Variants in MESD observed in about 807,000 individuals in gnomAD.
MESD encodes the protein LRP chaperone MESD.
A neutral mutation model predicts 12.9 loss-of-function variants in MESD; 7 were observed. That is an observed-to-expected ratio of 0.54 (90% CI 0.31 to 1.02). The LOEUF (loss-of-function observed/expected upper bound fraction) is 1.02, where lower values mean the gene tolerates loss of function less well. MESD is among the 50% of genes least tolerant of loss of function. The pLI is 0.05. For synonymous variants in MESD, 126 were observed against 115.6 expected (o/e 1.09, Z -0.58); for missense variants, 342 against 296.7 (o/e 1.15, Z -1.12).
chr15:80,971,437 C>G (rs915058608), downstream of MESD, among the ~76,000 whole-genome samples: 2 of 152,166 alleles, frequency 1.3e-5, no homozygotes, highest in African/African-American at 4.8e-5. Flanking sequence ...CTGAGCCCAG[C>G]GTTAGCAACA....
At chr15:80,970,804 C>T (rs1430865284), downstream of MESD, 1 of 152,178 alleles carries the variant, frequency 6.6e-6, no homozygotes, top group East Asian at 1.9e-4. Flanking sequence ...GTTTTTACCC[C>T]AGCCAAGGAG....
At chr15:80,973,029 A>T (rs1207772189), downstream of MESD, among the ~76,000 whole-genome samples, 5 of 152,016 alleles carry the variant, frequency 3.3e-5, no homozygotes, top group Admixed American at 2.6e-4. Context: ...CTCAAAAAAC[A>T]AACAAACAAA....
At chr15:80,946,338 A>C (rs751843950), downstream of MESD, 5 of 155,450 alleles carry the variant, frequency 3.2e-5, no homozygotes, top group Non-Finnish European at 5.7e-5. Flanking sequence ...TCACCTGCAG[A>C]TCTTGTAAAA....
At chr15:80,953,106 A>G in intron 3 of MESD, 1 of 456,060 alleles carries the variant, frequency 2.2e-6, no homozygotes. Flanking sequence ...GGCAGCTATC[A>G]GAGTGTGGGC....
At position 80,989,761 on chromosome 15, in the gene MESD, C is replaced by G; in HGVS notation, c.31G>C (p.Val11Leu). Residue 11 changes from valine to leucine, a missense_variant, in exon 1 of 3, where the codon GTG (valine) becomes CTG (leucine). Coordinates refer to ENST00000261758, the MANE Select transcript of MESD (RefSeq NM_015154.3). MAASRWARKAVVLLCASDLLL... is the reference protein window; with the variant it reads MAASRWARKALVLLCASDLLL... Reference sequence around the variant, plus strand: ...AGGTCAGAGGCACAAAGCAGGACCACGGCCTTGCGCGCCCACCTGGAAGCC... The same window carrying G: ...AGGTCAGAGGCACAAAGCAGGACCAGGGCCTTGCGCGCCCACCTGGAAGCC... The G allele has an allele frequency of 6.3e-7, 1 of 1,595,990 alleles. No individual in the cohort carries two copies. Among genetic ancestry groups the G allele is most frequent in the African/African-American group, 1.3e-5 (1 of 74,928 alleles).
chr15:80,982,244 G>A, intron 1 of MESD, 62 bp from the exon 2 acceptor site: 4 of 1,360,576 alleles, frequency 2.9e-6, no homozygotes, highest in Non-Finnish European at 4.2e-6. Context: ...AACTGGCACA[G>A]GCAAAAACTT....
At chr15:80,973,762 G>A (rs111412323), downstream of MESD, among the ~76,000 whole-genome samples, 1 of 146,772 alleles carries the variant, frequency 6.8e-6, no homozygotes, top group Non-Finnish European at 1.5e-5. Flanking sequence ...CATGGTTTTT[G>A]TTTTTTTTTT....
At chr15:80,946,844 T>C (rs1047715032), downstream of MESD, 9 of 727,780 alleles carry the variant, frequency 1.2e-5, no homozygotes, top group African/African-American at 1.4e-4. Flanking sequence ...CCCGAATCCC[T>C]GGACAGGCCT....
At chr15:80,947,162 T>C, downstream of MESD, 1 of 772,386 alleles carries the variant, frequency 1.3e-6, no homozygotes, top group South Asian at 1.5e-5. Context: ...GTTGAGAACA[T>C]GCTTTGTACT....
At chr15:80,982,269 G>A in intron 1 of MESD, 87 bp from the exon 2 acceptor site, 2 of 1,004,064 alleles carry the variant, frequency 2.0e-6, no homozygotes, top group Admixed American at 2.1e-5. Context: ...ATGATGTCAG[G>A]TGCATGTATA....
intron 3 of MESD, among the ~76,000 whole-genome samples, chr15:80,964,345 A>T (rs1902139400): frequency 1.3e-5 from 2 of 152,234 alleles, no homozygotes; most frequent in Admixed American, 1.3e-4. Flanking sequence ...AAATGGAAGA[A>T]CATTCCATGC....
intron 2 of MESD, among the ~76,000 whole-genome samples, chr15:80,980,459 C>G (rs1289633307): frequency 2.6e-5 from 4 of 152,216 alleles, no homozygotes; most frequent in Non-Finnish European, 5.9e-5. Context: ...GGTCCAAGCT[C>G]TATGTGTGAA....
intron 3 of MESD, among the ~76,000 whole-genome samples, chr15:80,956,166 G>T (rs1387700239): frequency 6.6e-6 from 1 of 151,964 alleles, no homozygotes; most frequent in African/African-American, 2.4e-5. Context: ...CTCCAGCCTG[G>T]GTGACAGAGT....
At chr15:80,952,009 A>C (rs984582124) in exon 4 of MESD, 23 of 351,074 alleles carry the variant, frequency 6.6e-5, no homozygotes, top group Middle Eastern at 9.7e-4. Flanking sequence ...GAGATGGTTC[A>C]AAGAAAGAGA....
downstream of MESD, among the ~76,000 whole-genome samples, chr15:80,971,722 G>T (rs1037826319): frequency 2.0e-5 from 3 of 151,994 alleles, no homozygotes; most frequent in Non-Finnish European, 2.9e-5. Flanking sequence ...TATCTCTCAG[G>T]TTCAAGAGAT....
chr15:80,987,766 G>A (rs991761131), intron 1 of MESD, among the ~76,000 whole-genome samples: 3 of 151,848 alleles, frequency 2.0e-5, no homozygotes, highest in African/African-American at 4.8e-5. Context: ...TGGGATTACA[G>A]GCGTGAGCCA....
intron 4 of MESD, chr15:80,949,481 C>A (rs141833346): frequency 7.9e-4 from 144 of 182,844 alleles, no homozygotes; most frequent in Non-Finnish European, 1.3e-3. Flanking sequence ...CTGCCTCTGG[C>A]CGTGTCCACC....
At chr15:80,984,390 T>C (rs1404041009) in intron 1 of MESD, among the ~76,000 whole-genome samples, 2 of 151,936 alleles carry the variant, frequency 1.3e-5, no homozygotes, top group Non-Finnish European at 2.9e-5. Flanking sequence ...CTGAGCAACA[T>C]ATCATGACCC....
downstream of MESD, among the ~76,000 whole-genome samples, chr15:80,975,041 A>C (rs1240297887): frequency 6.6e-6 from 1 of 151,948 alleles, no homozygotes; most frequent in Non-Finnish European, 1.5e-5. Context: ...TTCTAGGGGA[A>C]AGACAGGGGT....
Sources: gnomAD v4.1 joint callset for allele counts (sites outside exome capture counted in the v4.1 genomes callset) on GRCh38, gnomAD v4.1.1 for gene constraint, MANE v1.5 for transcripts, NCBI Gene and HGNC (gene_info 2026-07-23, HGNC 2026-07-21) for gene names.